MMP16: variants seen among roughly 807,000 people sequenced by gnomAD.
MMP16 encodes matrix metallopeptidase 16.
In MMP16, 12 loss-of-function variants were observed where a neutral mutation model predicts 67.8. That is an observed-to-expected ratio of 0.18 (90% confidence interval 0.11 to 0.29). The LOEUF is 0.29. MMP16 is among the 10% of genes least tolerant of loss of function. The probability of loss-of-function intolerance (pLI) is 1.00; values close to 1 mark genes in which losing one functional copy is unlikely to be tolerated. For synonymous variants in MMP16, 249 were observed against 255.9 expected (o/e 0.97, Z 0.26); for missense variants, 475 against 765.7 (o/e 0.62, Z 4.48).
chr8:88,223,296 G>A (rs1316734804), intron 1 of MMP16, among the ~76,000 whole-genome samples: 1 of 152,026 alleles, frequency 6.6e-6, no homozygotes, highest in African/African-American at 2.4e-5. Flanking sequence ...GATTCCTCAA[G>A]GATCTAGAAC....
intron 7 of MMP16, among the ~76,000 whole-genome samples, chr8:88,071,127 A>T (rs1416763653): frequency 6.6e-6 from 1 of 152,130 alleles, no homozygotes; most frequent in Admixed American, 6.6e-5. Context: ...AGTTCAAAAA[A>T]TATCTAAATT....
intron 3 of MMP16, among the ~76,000 whole-genome samples, chr8:88,176,189 T>G (rs997830007): frequency 6.6e-6 from 1 of 152,200 alleles, no homozygotes; most frequent in African/African-American, 2.4e-5. Context: ...AGGTTTTTCC[T>G]GCTATAAAAC....
intron 1 of MMP16, among the ~76,000 whole-genome samples, chr8:88,319,753 T>C (rs1811429938): frequency 6.6e-6 from 1 of 152,128 alleles, no homozygotes; most frequent in Non-Finnish European, 1.5e-5. Context: ...CAGCTTACCC[T>C]AAAAAATGGC....
intron 1 of MMP16, among the ~76,000 whole-genome samples, chr8:88,258,349 T>C (rs1810337086): frequency 6.6e-6 from 1 of 152,164 alleles, no homozygotes; most frequent in Non-Finnish European, 1.5e-5. Context: ...TAAAATAGGC[T>C]TTCAATTTCC....
chr8:88,231,351 C>T (rs1427957184), intron 1 of MMP16, among the ~76,000 whole-genome samples: 1 of 152,116 alleles, frequency 6.6e-6, no homozygotes, highest in Admixed American at 6.6e-5. Context: ...GTGTGTGCTG[C>T]AATTCATTTG....
At chr8:88,267,551 C>T (rs535292246) in intron 1 of MMP16, among the ~76,000 whole-genome samples, 1 of 152,306 alleles carries the variant, frequency 6.6e-6, no homozygotes, top group South Asian at 2.1e-4. Context: ...TAGCGTAACA[C>T]CTGGCACATA....
intron 7 of MMP16, among the ~76,000 whole-genome samples, chr8:88,072,504 A>C (rs928057376): frequency 6.6e-6 from 1 of 152,054 alleles, no homozygotes; most frequent in Admixed American, 6.6e-5. Context: ...AAAGTGACAA[A>C]ATTTATTAGA....
In MMP16 at chr8:88,177,021, A is replaced by T. The variant is rs28907585; in HGVS notation, c.405-9048T>A. On this transcript the variant is annotated intron_variant, in intron 3 of 9. Transcript: ENST00000286614. ...TAAGTCTTTCTACTGAAAGCAAAAT[A>T]TATCTCTTCATTTTTTGTTCATCTT... Among the ~76,000 whole-genome samples the T allele has an allele frequency of 4.3e-3, 650 of 152,300 alleles. 3 individuals are homozygous for T. The highest frequency in any genetic ancestry group is 0.014 in the African/African-American group (582 of 41,576).
intron 1 of MMP16, among the ~76,000 whole-genome samples, chr8:88,229,282 T>C (rs1260553375): frequency 6.6e-6 from 1 of 152,132 alleles, no homozygotes. Context: ...AATGTAACTA[T>C]TTTCCTATTA....
At chr8:88,043,379 G>A (rs1285291580) in intron 9 of MMP16, among the ~76,000 whole-genome samples, 4 of 152,148 alleles carry the variant, frequency 2.6e-5, no homozygotes, top group African/African-American at 9.7e-5. Context: ...CGCCTCCTGG[G>A]TTCAAGCGAT....
intron 1 of MMP16, among the ~76,000 whole-genome samples, chr8:88,260,868 T>C (rs1417544542): frequency 6.6e-6 from 1 of 152,184 alleles, no homozygotes; most frequent in Non-Finnish European, 1.5e-5. Context: ...AATCTATAAA[T>C]ACTTTAGAGA....
chr8:88,303,781 C>G (rs188835356), intron 1 of MMP16, among the ~76,000 whole-genome samples: 4 of 152,100 alleles, frequency 2.6e-5, no homozygotes, highest in Admixed American at 2.6e-4. Flanking sequence ...AACAAAAAAC[C>G]CTCACAGAAA....
chr8:88,037,564 A>G lies in MMP16; in HGVS notation c.*3897T>C, dbSNP rs1173922791. The G allele has an allele frequency of 6.6e-6, 1 of 151,912 alleles. No individual in the cohort carries two copies. The highest frequency in any genetic ancestry group is 1.5e-5 in the Non-Finnish European group (1 of 67,866). 9.4% of individuals were successfully genotyped at this position (151,912 alleles called of 1,614,324 possible). Reference sequence around the variant, plus strand: ...AGTATCACATAATGCTGTCTAATTTAGCTCTATAACCTTTGCAATCAGAAA... The same window carrying G: ...AGTATCACATAATGCTGTCTAATTTGGCTCTATAACCTTTGCAATCAGAAA... On this transcript the variant is annotated 3_prime_UTR_variant, in exon 10 of 10. Coordinates refer to ENST00000286614, the MANE Select transcript of MMP16 (RefSeq NM_005941.5).
intron 1 of MMP16, among the ~76,000 whole-genome samples, chr8:88,305,858 TA>T (rs1811203976): frequency 6.6e-6 from 1 of 152,012 alleles, no homozygotes; most frequent in Non-Finnish European, 1.5e-5. Flanking sequence ...GTTGACCACC[TA>T]ACATCTCAAC....
chr8:88,231,816 C>A (rs914734253), intron 1 of MMP16, among the ~76,000 whole-genome samples: 2 of 151,928 alleles, frequency 1.3e-5, no homozygotes, highest in East Asian at 1.9e-4. Context: ...ATGATGTGAC[C>A]ATTTTTTAAA....
chr8:88,200,128 C>A (rs545684002), intron 1 of MMP16, among the ~76,000 whole-genome samples: 14 of 151,750 alleles, frequency 9.2e-5, no homozygotes, highest in African/African-American at 3.4e-4. Context: ...TGGGATAGGG[C>A]AATATTAAAA....
At chr8:88,190,198 A>G (rs1294505593) in intron 2 of MMP16, among the ~76,000 whole-genome samples, 1 of 152,230 alleles carries the variant, frequency 6.6e-6, no homozygotes, top group East Asian at 1.9e-4. Context: ...GAAGATTGGT[A>G]AAGTTGAGAA....
At chr8:88,248,022 T>A (rs1810147185) in intron 1 of MMP16, among the ~76,000 whole-genome samples, 1 of 152,012 alleles carries the variant, frequency 6.6e-6, no homozygotes, top group Non-Finnish European at 1.5e-5. Context: ...ATTTTTGAAA[T>A]TTCCCCAGAT....
At chr8:88,194,752 C>T (rs1196862806) in intron 2 of MMP16, among the ~76,000 whole-genome samples, 2 of 151,786 alleles carry the variant, frequency 1.3e-5, no homozygotes, top group Non-Finnish European at 2.9e-5. Context: ...GAAATAACTG[C>T]CAGGTGTAAT....
Sources: gnomAD v4.1 joint callset for allele counts (sites outside exome capture counted in the v4.1 genomes callset) on GRCh38, gnomAD v4.1.1 for gene constraint, MANE v1.5 for transcripts, NCBI Gene and HGNC (gene_info 2026-07-23, HGNC 2026-07-21) for gene names.